The following TBL1XR1 variants were observed in gnomAD, a reference collection of about 807,000 sequenced individuals.
TBL1XR1 encodes the protein TBL1X/Y related 1.
Under a neutral mutation model 66.9 loss-of-function variants are expected in TBL1XR1, and 5 were observed. The ratio of observed to expected loss-of-function variants is 0.07; its 90% CI spans 0.04 to 0.16. The LOEUF (loss-of-function observed/expected upper bound fraction) is 0.16. TBL1XR1 is among the 10% of genes least tolerant of loss of function. The pLI, the probability that TBL1XR1 is intolerant of heterozygous loss-of-function variation, is 1.00. For synonymous variants in TBL1XR1, 210 were observed against 206.0 expected, an observed-to-expected ratio of 1.02 and a Z score of -0.17; for missense variants, 238 against 623.2, an observed-to-expected ratio of 0.38 and a Z score of 6.58.
intron 1 of TBL1XR1, among the ~76,000 whole-genome samples, chr3:177,195,182 G>T (rs1283751002): frequency 6.6e-6 from 1 of 151,846 alleles, no homozygotes; most frequent in African/African-American, 2.4e-5. Flanking sequence ...ACATCTCAGT[G>T]CAGGATAGGG....
At chr3:177,112,946 G>C (rs1014603858) in intron 1 of TBL1XR1, among the ~76,000 whole-genome samples, 14 of 152,034 alleles carry the variant, frequency 9.2e-5, no homozygotes, top group African/African-American at 3.1e-4. Context: ...GAGGGAGGCA[G>C]AGGTTGCTGT....
intron 1 of TBL1XR1, among the ~76,000 whole-genome samples, chr3:177,100,007 C>G (rs750898729): frequency 6.6e-6 from 1 of 152,168 alleles, no homozygotes; most frequent in Admixed American, 6.5e-5. Flanking sequence ...TTCGGGAAGC[C>G]GAGGCGGGCC....
intron 2 of TBL1XR1, among the ~76,000 whole-genome samples, chr3:177,070,601 C>T (rs1719843398): frequency 1.3e-5 from 2 of 152,174 alleles, no homozygotes; most frequent in South Asian, 4.1e-4. Flanking sequence ...GTAATCCTAG[C>T]ACTTTGGGGG....
At chr3:177,067,250 T>C (rs1719286620) in intron 2 of TBL1XR1, among the ~76,000 whole-genome samples, 1 of 152,246 alleles carries the variant, frequency 6.6e-6, no homozygotes, top group African/African-American at 2.4e-5. Context: ...TGAATATGTT[T>C]GTCACGGGGA....
At chr3:177,092,641 G>C (rs1722979806) in intron 2 of TBL1XR1, among the ~76,000 whole-genome samples, 1 of 152,010 alleles carries the variant, frequency 6.6e-6, no homozygotes, top group South Asian at 2.1e-4. Flanking sequence ...GTTGTCCAGT[G>C]TGTAGAACCC....
At chr3:177,141,128 G>C (rs778750123) in intron 1 of TBL1XR1, among the ~76,000 whole-genome samples, 1 of 152,126 alleles carries the variant, frequency 6.6e-6, no homozygotes, top group African/African-American at 2.4e-5. Context: ...AGTTAATACT[G>C]ACTCTTTAGT....
intron 1 of TBL1XR1, among the ~76,000 whole-genome samples, chr3:177,153,759 C>G (rs1731171075): frequency 6.6e-6 from 1 of 151,740 alleles, no homozygotes; most frequent in Non-Finnish European, 1.5e-5. Context: ...CGCCTGTAAT[C>G]CCAGCTACTC....
chr3:177,131,409 G>A, intron 1 of TBL1XR1: 1 of 984,718 alleles, frequency 1.0e-6, no homozygotes. Context: ...GCTCAATACT[G>A]CATAAAGTGC....
At chr3:177,165,164 C>CA (rs547625073) in intron 1 of TBL1XR1, among the ~76,000 whole-genome samples, 162 of 151,382 alleles carry the variant, frequency 1.1e-3, no homozygotes, top group African/African-American at 3.6e-3. Flanking sequence ...AAAGAACTGA[C>CA]AAAAAAAACT....
chr3:177,070,212 T>C (rs943562585), intron 2 of TBL1XR1, among the ~76,000 whole-genome samples: 4 of 152,220 alleles, frequency 2.6e-5, no homozygotes, highest in African/African-American at 9.6e-5. Flanking sequence ...TTATTTCTTT[T>C]TATACCCAAA....
chr3:177,095,727 C>T lies in TBL1XR1; in HGVS notation c.-46+2739G>A, dbSNP rs541489798. Among the ~76,000 whole-genome samples the T allele has an allele frequency of 2.0e-5, 3 of 152,238 alleles. No individual in the cohort carries two copies. In the South Asian group the frequency reaches 6.2e-4, roughly 32 times the overall value. On this transcript the variant is annotated intron_variant, in intron 2 of 15. Coordinates refer to ENST00000457928, the MANE Select transcript of TBL1XR1 (RefSeq NM_024665.7). ...ATTCCTGATCTCACAAGTGATCCGC[C>T]TGCCTCGGCCTCCCCAAAGTGCTGG... is the stretch of plus-strand genomic sequence containing the variant.
intron 13 of TBL1XR1, 59 bp from the exon 14 acceptor site, chr3:177,033,195 C>A (rs1714252284): frequency 7.2e-7 from 1 of 1,387,824 alleles, no homozygotes; most frequent in Admixed American, 2.5e-5. Flanking sequence ...CCCAGCCTTG[C>A]TCCCACCCAA....
In TBL1XR1 at chr3:177,025,357, CTGTA is replaced by C; in HGVS notation, c.*137_*140del. 1 of 728,748 alleles carries C rather than the reference CTGTA, an allele frequency of 1.4e-6. No homozygotes were observed. 45.1% of individuals were successfully genotyped at this position (728,748 alleles called of 1,614,324 possible). On this transcript the variant is annotated 3_prime_UTR_variant, in exon 16 of 16. Transcript: ENST00000457928. ...CAGGGTGCAATTTTGTTTATATACA[CTGTA>C]TGTATATATTTCTTTTAGATTTGGC...
chr3:177,102,892 G>A (rs142583548), intron 1 of TBL1XR1, among the ~76,000 whole-genome samples: 35 of 152,120 alleles, frequency 2.3e-4, no homozygotes, highest in African/African-American at 6.0e-4. Context: ...TTCCACAACC[G>A]CATAGTGCCT....
intron 1 of TBL1XR1, among the ~76,000 whole-genome samples, chr3:177,106,919 A>AG (rs1374418169): frequency 6.6e-6 from 1 of 151,710 alleles, no homozygotes. Flanking sequence ...TTACTACTAA[A>AG]AAAAAAAATT....
In TBL1XR1 at chr3:177,155,058, T is replaced by C. The variant is rs560162344; in HGVS notation, c.-122+42063A>G. On this transcript the variant is annotated intron_variant, in intron 1 of 15. Transcript: ENST00000457928. Reference sequence around the variant, plus strand: ...AAATCACAATGAAAATTAAAAATCATTCTGAAGTATATGAAAAGAGAAGAG... The same window carrying C: ...AAATCACAATGAAAATTAAAAATCACTCTGAAGTATATGAAAAGAGAAGAG... Among the ~76,000 whole-genome samples the C allele has an allele frequency of 6.6e-5, 10 of 152,260 alleles. No individual in the cohort carries two copies. In the South Asian group the frequency reaches 2.1e-3, roughly 32 times the overall value.
chr3:177,088,411 T>C (rs1002913488), intron 2 of TBL1XR1, among the ~76,000 whole-genome samples: 3 of 152,186 alleles, frequency 2.0e-5, no homozygotes, highest in African/African-American at 4.8e-5. Context: ...ATGAACTTCG[T>C]GTTTAGACTT....
At chr3:177,167,935 C>A (rs201604849) in intron 1 of TBL1XR1, among the ~76,000 whole-genome samples, 27 of 148,476 alleles carry the variant, frequency 1.8e-4, no homozygotes, top group Admixed American at 1.6e-3. Flanking sequence ...TCAAAAAAAA[C>A]AACAAAAAAA....
chr3:177,037,966 T>C, intron 12 of TBL1XR1, 132 bp downstream of exon 12: 1 of 678,248 alleles, frequency 1.5e-6, no homozygotes, highest in Non-Finnish European at 2.4e-6. Context: ...TGGTTAGCCA[T>C]TTAAAATGTT....
Sources: gnomAD v4.1 joint callset for allele counts (sites outside exome capture counted in the v4.1 genomes callset) on GRCh38, gnomAD v4.1.1 for gene constraint, MANE v1.5 for transcripts, NCBI Gene and HGNC (gene_info 2026-07-23, HGNC 2026-07-21) for gene names.